Variants in ZNF385D observed in about 807,000 individuals in gnomAD.
The protein encoded by ZNF385D is zinc finger protein 659.
ZNF385D carries 15 observed loss-of-function variants against 35.8 expected under a neutral mutation model. The ratio of observed to expected loss-of-function variants is 0.42; its 90% CI spans 0.28 to 0.64. ZNF385D has a LOEUF of 0.64. ZNF385D is among the 30% of genes least tolerant of loss of function. The pLI is 0.23. For missense variants in ZNF385D, 474 were observed against 494.6 expected, an observed-to-expected ratio of 0.96 and a Z score of 0.39; for synonymous variants, 212 against 186.8, an observed-to-expected ratio of 1.13 and a Z score of -1.10.
At chr3:21,862,564 G>A (rs1223704425) in intron 3 of ZNF385D, among the ~76,000 whole-genome samples, 1 of 152,124 alleles carries the variant, frequency 6.6e-6, no homozygotes, top group African/African-American at 2.4e-5. Flanking sequence ...ACATTTGAAT[G>A]AAGGCTTCTT....
intron 2 of ZNF385D, among the ~76,000 whole-genome samples, chr3:21,581,564 G>T (rs1435245942): frequency 6.6e-6 from 1 of 152,138 alleles, no homozygotes; most frequent in Admixed American, 6.6e-5. Context: ...TATTAGACAT[G>T]TGAAAACAGC....
chr3:21,603,394 C>T (rs1440722220), intron 2 of ZNF385D, among the ~76,000 whole-genome samples: 1 of 149,246 alleles, frequency 6.7e-6, no homozygotes, highest in African/African-American at 2.5e-5. Flanking sequence ...CTTCTGGTAA[C>T]ATCATATTCT....
intron 2 of ZNF385D, among the ~76,000 whole-genome samples, chr3:21,627,338 G>A (rs930441045): frequency 4.0e-5 from 6 of 151,228 alleles, no homozygotes; most frequent in Non-Finnish European, 7.4e-5. Context: ...GACAACTAAT[G>A]AGAAAGCTCA....
intron 2 of ZNF385D, among the ~76,000 whole-genome samples, chr3:22,367,031 T>G (rs1464610169): frequency 1.3e-5 from 2 of 152,324 alleles, no homozygotes; most frequent in East Asian, 3.9e-4. Context: ...TTCAAACATC[T>G]GGCTCTAGAA....
At chr3:22,095,720 C>T (rs1701582529) in intron 3 of ZNF385D, among the ~76,000 whole-genome samples, 1 of 151,788 alleles carries the variant, frequency 6.6e-6, no homozygotes, top group Non-Finnish European at 1.5e-5. Flanking sequence ...TAAAAGTATT[C>T]TTTATTTTCT....
chr3:22,273,064 G>T (rs1701258496), intron 2 of ZNF385D, among the ~76,000 whole-genome samples: 1 of 151,546 alleles, frequency 6.6e-6, no homozygotes, highest in South Asian at 2.1e-4. Context: ...GCCAAGGAAA[G>T]AGAGAAAGAG....
At chr3:21,726,120 T>C (rs2068754442) in intron 1 of ZNF385D, among the ~76,000 whole-genome samples, 1 of 152,064 alleles carries the variant, frequency 6.6e-6, no homozygotes, top group Non-Finnish European at 1.5e-5. Flanking sequence ...TTCGACAAAA[T>C]TCAACACCCC....
intron 3 of ZNF385D, among the ~76,000 whole-genome samples, chr3:21,853,280 A>T (rs1399288100): frequency 1.3e-5 from 2 of 151,862 alleles, no homozygotes; most frequent in Admixed American, 6.6e-5. Flanking sequence ...GGACAGTAAA[A>T]GGTCTGGAAA....
chr3:21,885,022 C>A (rs1055992443), intron 3 of ZNF385D, among the ~76,000 whole-genome samples: 3 of 151,970 alleles, frequency 2.0e-5, no homozygotes, highest in Non-Finnish European at 4.4e-5. Flanking sequence ...ATATAACTTG[C>A]AGACTATATG....
At chr3:21,975,037 T>C (rs1703508060) in intron 3 of ZNF385D, among the ~76,000 whole-genome samples, 1 of 152,118 alleles carries the variant, frequency 6.6e-6, no homozygotes. Context: ...AAAATAGAAC[T>C]GCCATACAAT....
At chr3:21,714,501 A>C (rs11712782) in intron 1 of ZNF385D, among the ~76,000 whole-genome samples, 1 of 152,070 alleles carries the variant, frequency 6.6e-6, no homozygotes, top group South Asian at 2.1e-4. Context: ...CCCACTTTTT[A>C]TGGATGAACA....
intron 2 of ZNF385D, among the ~76,000 whole-genome samples, chr3:22,208,668 G>A (rs1359674710): frequency 1.3e-5 from 2 of 150,908 alleles, no homozygotes; most frequent in Non-Finnish European, 3.0e-5. Context: ...AATATCTTAT[G>A]TACCCCATAA....
At chr3:21,546,841 C>T (rs980396027) in intron 3 of ZNF385D, among the ~76,000 whole-genome samples, 5 of 151,752 alleles carry the variant, frequency 3.3e-5, no homozygotes, top group African/African-American at 1.2e-4. Context: ...CTCTAGCCCC[C>T]CCCGCTTCAT....
chr3:22,279,715 T>C (rs563329084), intron 2 of ZNF385D, among the ~76,000 whole-genome samples: 32 of 151,832 alleles, frequency 2.1e-4, no homozygotes, highest in African/African-American at 7.7e-4. Context: ...GTGCCATATT[T>C]TTACAATTAT....
At chr3:22,155,574 TTAC>T (rs1200496569) in intron 3 of ZNF385D, among the ~76,000 whole-genome samples, 3 of 152,076 alleles carry the variant, frequency 2.0e-5, no homozygotes, top group African/African-American at 7.2e-5. Context: ...TGATCATAAA[TTAC>T]TATCTACTGA....
chr3:21,949,267 A>T (rs575178035), intron 3 of ZNF385D, among the ~76,000 whole-genome samples: 65 of 152,294 alleles, frequency 4.3e-4, no homozygotes, highest in African/African-American at 1.5e-3. Context: ...ATTCTATATG[A>T]CATGGTGTCC....
chr3:21,435,764 A>C (rs930788705), intron 5 of ZNF385D, among the ~76,000 whole-genome samples: 60 of 152,208 alleles, frequency 3.9e-4, no homozygotes, highest in African/African-American at 1.3e-3. Flanking sequence ...GAATAAACAC[A>C]TGGAAAATCT....
At chr3:22,037,222 T>C (rs965195149) in intron 3 of ZNF385D, among the ~76,000 whole-genome samples, 6 of 147,112 alleles carry the variant, frequency 4.1e-5, no homozygotes, top group African/African-American at 1.5e-4. Context: ...TTTGGGTATA[T>C]ACCCAGGAAT....
chr3:22,141,138 G>C (rs972415295), intron 3 of ZNF385D, among the ~76,000 whole-genome samples: 25 of 151,984 alleles, frequency 1.6e-4, no homozygotes, highest in African/African-American at 6.0e-4. Flanking sequence ...ACATAAGAGA[G>C]GTTTATACTG....
Sources: allele counts gnomAD v4.1 joint callset (sites outside exome capture counted in the v4.1 genomes callset), GRCh38; gene constraint gnomAD v4.1.1; transcripts MANE v1.5; gene names NCBI Gene and HGNC (gene_info 2026-07-23, HGNC 2026-07-21).